MAST4: variants seen among roughly 807,000 people sequenced by gnomAD.
The protein encoded by MAST4 is microtubule associated serine/threonine kinase family member 4.
In MAST4, 89 loss-of-function variants were observed where a neutral mutation model predicts 162.7. That is an observed-to-expected ratio of 0.55 (90% confidence interval 0.46 to 0.65). MAST4 has a LOEUF of 0.65. MAST4 is among the 30% of genes least tolerant of loss of function. The pLI is 0.00. For synonymous variants in MAST4, 1,479 were observed against 1,361.1 expected, an observed-to-expected ratio of 1.09 and a Z score of -1.91; for missense variants, 3,153 against 3,374.0, an observed-to-expected ratio of 0.93 and a Z score of 1.62.
chr5:66,901,094 G>A (rs549854324), intron 4 of MAST4, among the ~76,000 whole-genome samples: 6 of 152,172 alleles, frequency 3.9e-5, no homozygotes, highest in Admixed American at 3.9e-4. Context: ...CTCTGTTGCC[G>A]AAACTTGGAA....
chr5:66,963,903 C>T (rs1271995536), intron 4 of MAST4: 1 of 760,366 alleles, frequency 1.3e-6, no homozygotes, highest in Non-Finnish European at 2.4e-6. Context: ...GGTGAGGAAA[C>T]TGGTTGAATT....
At chr5:66,750,650 C>T (rs956535882) in intron 1 of MAST4, among the ~76,000 whole-genome samples, 2 of 152,204 alleles carry the variant, frequency 1.3e-5, no homozygotes, top group African/African-American at 4.8e-5. Flanking sequence ...GTCCTACGCC[C>T]ACGGAGTCTC....
chr5:66,746,817 A>G lies in MAST4; in HGVS notation c.364-12892A>G, dbSNP rs192171400. ...AAAGTGACAGGAAAACAGGTGATGT[A>G]TATGCAAAATCAAATTAGTATTTTC... On this transcript the variant is annotated intron_variant, in intron 1 of 28. Coordinates refer to ENST00000403625, the MANE Select transcript of MAST4 (RefSeq NM_001164664.2). 1.8e-3 allele frequency among the ~76,000 whole-genome samples: 281 copies of G among 152,346 alleles called. 1 individual carries two copies. Among genetic ancestry groups the G allele is most frequent in the Non-Finnish European group, 2.7e-3 (183 of 68,026 alleles).
rs142986610 is a variant in MAST4 at position 67,083,693 on chromosome 5, T to G, written c.764-6469T>G. On this transcript the variant is annotated intron_variant, in intron 5 of 28. Coordinates refer to ENST00000403625, the MANE Select transcript of MAST4 (RefSeq NM_001164664.2). The stretch of plus-strand genomic sequence containing the variant: ...TTATCCAGATTCAGTCTATAATTAA[T>G]TATGTAAGATTAATAGAATGAATCA... Among the ~76,000 whole-genome samples the G allele has an allele frequency of 2.4e-4, 37 of 152,290 alleles. 1 individual carries two copies. In the East Asian group the frequency reaches 7.1e-3, roughly 29 times the overall value.
At chr5:67,069,484 A>G (rs1053530684) in intron 5 of MAST4, among the ~76,000 whole-genome samples, 7 of 151,988 alleles carry the variant, frequency 4.6e-5, no homozygotes, top group Middle Eastern at 3.4e-3. Flanking sequence ...CACTCTCAGC[A>G]TCTAAAATAT....
chr5:67,141,805 C>T (rs1770438905), intron 19 of MAST4, among the ~76,000 whole-genome samples: 1 of 152,132 alleles, frequency 6.6e-6, no homozygotes. Context: ...TTATCTACAT[C>T]TCCAGGTTCA....
At position 67,152,792 on chromosome 5, in the gene MAST4, T is replaced by C. The variant is rs1771999586; in HGVS notation, c.3451T>C (p.Tyr1151His). ...PIVIHSSGKN[Y>H]GFTIRAIRVY... The stretch of plus-strand genomic sequence containing the variant: ...TGTGATCCACAGTTCGGGGAAGAAC[T>C]ACGGCTTTACCATCCGAGCCATCCG... The change falls in exon 25 of 29, where the codon TAC becomes CAC. Residue 1151 changes from tyrosine to histidine, a missense_variant. This residue lies in a region of MAST4 where 619 missense variants were observed against 744.2 expected (regional missense o/e 0.83). Transcript: ENST00000403625. 2 of 1,614,054 alleles carry C rather than the reference T, an allele frequency of 1.2e-6. No individual in the cohort carries two copies. Among genetic ancestry groups the C allele is most frequent in the East Asian group, 4.5e-5 (2 of 44,880 alleles).
intron 4 of MAST4, among the ~76,000 whole-genome samples, chr5:67,041,163 A>G (rs1756692851): frequency 6.6e-6 from 1 of 152,176 alleles, no homozygotes; most frequent in South Asian, 2.1e-4. Flanking sequence ...GATTGGGCTG[A>G]TGTGCACGGT....
At chr5:67,036,640 A>C (rs1756052990) in intron 4 of MAST4, among the ~76,000 whole-genome samples, 1 of 152,158 alleles carries the variant, frequency 6.6e-6, no homozygotes, top group African/African-American at 2.4e-5. Flanking sequence ...ATAACACCTA[A>C]TGTGATGTAA....
chr5:66,998,159 C>G (rs927907464), intron 4 of MAST4, among the ~76,000 whole-genome samples: 1 of 152,188 alleles, frequency 6.6e-6, no homozygotes, highest in Non-Finnish European at 1.5e-5. Flanking sequence ...TACGAAAGGG[C>G]TAAATATAAC....
At chr5:66,600,294 G>C (rs1217984824) in intron 1 of MAST4, among the ~76,000 whole-genome samples, 1 of 152,182 alleles carries the variant, frequency 6.6e-6, no homozygotes, top group African/African-American at 2.4e-5. Context: ...CTTTGAATTT[G>C]GGGTCCGTGT....
At position 67,090,414 on chromosome 5, in the gene MAST4, T is replaced by G. The variant is rs552144130; in HGVS notation, c.833+183T>G. Among the ~76,000 whole-genome samples, 273 of 65,970 alleles carry G rather than the reference T, an allele frequency of 4.1e-3. 6 individuals carry two copies. The highest frequency in any genetic ancestry group is 0.015 in the African/African-American group (255 of 16,808). The allele number at this position is 65,970 out of a possible 152,430, so 43.3% of individuals were successfully genotyped here. On this transcript the variant is annotated intron_variant, in intron 6 of 28. Coordinates refer to ENST00000403625, the MANE Select transcript of MAST4 (RefSeq NM_001164664.2). ...TTCCCCTTCTCCCCCTCCCCACTTT[T>G]CCCCCATCTCACTTCCCCCCTCCCC...
chr5:66,791,023 T>C (rs1205467502), intron 3 of MAST4, among the ~76,000 whole-genome samples: 1 of 152,098 alleles, frequency 6.6e-6, no homozygotes, highest in East Asian at 1.9e-4. Context: ...TAATATATCT[T>C]CTTTTTGTTT....
intron 7 of MAST4, among the ~76,000 whole-genome samples, chr5:67,099,851 A>T (rs1442109680): frequency 6.6e-6 from 1 of 151,380 alleles, no homozygotes; most frequent in Non-Finnish European, 1.5e-5. Context: ...TCAGCCCCCT[A>T]CTCCCTCCAA....
In MAST4 at chr5:67,092,918, T is replaced by C. The variant is rs575584105; in HGVS notation, c.834-2679T>C. 1.1e-3 allele frequency among the ~76,000 whole-genome samples: 174 copies of C among 152,348 alleles called. 1 individual carries two copies. Among genetic ancestry groups the C allele is most frequent in the African/African-American group, 3.9e-3 (164 of 41,580 alleles). On this transcript the variant is annotated intron_variant, in intron 6 of 28. Transcript: ENST00000403625. ...CATTTGAATCTGCTGAGTCTGATCATTGTAACCTCCCAGTTACACCTTCAG... is the reference window on the plus strand; with the variant it reads ...CATTTGAATCTGCTGAGTCTGATCACTGTAACCTCCCAGTTACACCTTCAG...
chr5:67,101,030 C>T (rs1314396544), intron 8 of MAST4, among the ~76,000 whole-genome samples: 1 of 152,226 alleles, frequency 6.6e-6, no homozygotes, highest in Non-Finnish European at 1.5e-5. Context: ...TTCTCTAAGA[C>T]TGTGAACACA....
intron 4 of MAST4, chr5:67,005,203 A>G (rs1751861918): frequency 5.8e-6 from 4 of 686,112 alleles, no homozygotes; most frequent in Non-Finnish European, 1.1e-5. Context: ...GACACTTTGA[A>G]AAGTTTATGC....
intron 1 of MAST4, among the ~76,000 whole-genome samples, chr5:66,729,901 A>G (rs1751737459): frequency 6.6e-6 from 1 of 152,210 alleles, no homozygotes; most frequent in African/African-American, 2.4e-5. Context: ...GGATGCCAAG[A>G]GAATGTTTTG....
chr5:66,877,373 A>T (rs1253979786), intron 3 of MAST4, among the ~76,000 whole-genome samples: 1 of 152,120 alleles, frequency 6.6e-6, no homozygotes, highest in Non-Finnish European at 1.5e-5. Context: ...CTGTACAGCA[A>T]CCTGAGGATT....
Sources: allele counts gnomAD v4.1 joint callset (sites outside exome capture counted in the v4.1 genomes callset), GRCh38; gene constraint gnomAD v4.1.1; regional missense constraint gnomAD v4.1.1; transcripts MANE v1.5; gene names NCBI Gene and HGNC (gene_info 2026-07-23, HGNC 2026-07-21).